SCMH1: variants seen among roughly 807,000 people sequenced by gnomAD.
The protein encoded by SCMH1 is polycomb protein SCMH1.
A neutral mutation model predicts 70.8 loss-of-function variants in SCMH1; 37 were observed. That is an observed-to-expected ratio of 0.52 (90% CI 0.40 to 0.69). The LOEUF is 0.69. Among genes scored for constraint, SCMH1 ranks in the 30% least tolerant of loss-of-function variants. The probability of loss-of-function intolerance (pLI) is 0.00; values close to 1 mark genes in which losing one functional copy is unlikely to be tolerated. For missense variants in SCMH1, 607 were observed against 827.3 expected (o/e 0.73, Z 3.27); for synonymous variants, 292 against 307.4 (o/e 0.95, Z 0.52).
intron 10 of SCMH1, among the ~76,000 whole-genome samples, chr1:41,068,666 A>G (rs191017691): frequency 5.3e-5 from 8 of 152,278 alleles, no homozygotes; most frequent in African/African-American, 1.7e-4. Flanking sequence ...TTGGCCTCCT[A>G]AAGTGCTGGG....
chr1:41,124,691 T>C (rs1434673619), intron 6 of SCMH1, among the ~76,000 whole-genome samples: 2 of 151,954 alleles, frequency 1.3e-5, no homozygotes, highest in Admixed American at 6.6e-5. Context: ...CACAGCAGCC[T>C]TCAACTCCTG....
chr1:41,131,914 T>C (rs1005909844), intron 6 of SCMH1, among the ~76,000 whole-genome samples: 5 of 152,230 alleles, frequency 3.3e-5, no homozygotes, highest in Non-Finnish European at 5.9e-5. Context: ...TTCCATGGTG[T>C]ATATGTGCCA....
In SCMH1 at chr1:41,048,676, CA is replaced by C. The variant is rs745878448; in HGVS notation, c.1306+13del. The C allele has an allele frequency of 6.2e-6, 10 of 1,612,294 alleles. No individual in the cohort carries two copies. The South Asian group carries it at 9.9e-5, about 16-fold the overall frequency. ...CTTCTGGCTGGGAGGCAATATGAGC[CA>C]AAGTGTGCTTACCTGAGATAACCTC... On this transcript the variant is annotated intron_variant, in intron 11 of 14. Transcript: ENST00000337495.
intron 13 of SCMH1, among the ~76,000 whole-genome samples, chr1:41,030,688 G>C (rs898398215): frequency 6.6e-6 from 1 of 151,826 alleles, no homozygotes; most frequent in African/African-American, 2.4e-5. Flanking sequence ...AGTACATATC[G>C]TTACCTAAAA....
At chr1:41,092,104 G>A (rs546766975) in intron 8 of SCMH1, among the ~76,000 whole-genome samples, 1 of 152,122 alleles carries the variant, frequency 6.6e-6, no homozygotes, top group Non-Finnish European at 1.5e-5. Context: ...GAGGCATCAC[G>A]CTACCTGACT....
At chr1:41,161,485 C>T in intron 2 of SCMH1, 53 bp from the exon 3 acceptor site, 1 of 1,508,628 alleles carries the variant, frequency 6.6e-7, no homozygotes. Flanking sequence ...AGATTAAATA[C>T]TTTTCCAATT....
At chr1:41,205,317 G>A (rs1655262857) in intron 1 of SCMH1, among the ~76,000 whole-genome samples, 1 of 152,196 alleles carries the variant, frequency 6.6e-6, no homozygotes, top group Non-Finnish European at 1.5e-5. Context: ...ACTGCACCTG[G>A]AAAATCAGTA....
At chr1:41,101,139 T>C (rs1666529844) in intron 8 of SCMH1, among the ~76,000 whole-genome samples, 1 of 152,144 alleles carries the variant, frequency 6.6e-6, no homozygotes, top group Non-Finnish European at 1.5e-5. Flanking sequence ...GAAAAGGTTT[T>C]GGATGAAAGA....
intron 4 of SCMH1, among the ~76,000 whole-genome samples, chr1:41,155,940 G>A (rs1282857650): frequency 3.7e-5 from 5 of 133,512 alleles, no homozygotes; most frequent in Non-Finnish European, 6.1e-5. Context: ...AGCTAAGATC[G>A]CACCACTGCA....
chr1:41,032,460 G>A (rs1408150974), intron 13 of SCMH1, among the ~76,000 whole-genome samples: 1 of 152,194 alleles, frequency 6.6e-6, no homozygotes, highest in African/African-American at 2.4e-5. Context: ...AGAAAGTGGT[G>A]TGAAATAACA....
chr1:41,203,612 G>A (rs549428607), intron 1 of SCMH1, among the ~76,000 whole-genome samples: 24 of 152,262 alleles, frequency 1.6e-4, no homozygotes, highest in African/African-American at 5.5e-4. Context: ...TGGCCATAAC[G>A]CCCACGCAGG....
chr1:41,190,431 G>A (rs920122611), intron 1 of SCMH1, among the ~76,000 whole-genome samples: 1 of 152,230 alleles, frequency 6.6e-6, no homozygotes, highest in Non-Finnish European at 1.5e-5. Context: ...GCCAGTCAGA[G>A]CTCTGTATCC....
intron 13 of SCMH1, among the ~76,000 whole-genome samples, chr1:41,033,275 G>C (rs1208860651): frequency 1.3e-5 from 2 of 150,196 alleles, no homozygotes; most frequent in Non-Finnish European, 3.0e-5. Context: ...GACACAGTGA[G>C]AGACACTATT....
intron 2 of SCMH1, 111 bp downstream of exon 2, chr1:41,186,010 A>G (rs1231414201): frequency 9.5e-6 from 11 of 1,159,472 alleles, no homozygotes; most frequent in Non-Finnish European, 1.3e-5. Flanking sequence ...TCATGGCTAT[A>G]AAGAAAAGGA....
chr1:41,127,288 C>T (rs530812300), intron 6 of SCMH1, among the ~76,000 whole-genome samples: 23 of 152,170 alleles, frequency 1.5e-4, no homozygotes, highest in African/African-American at 4.8e-4. Flanking sequence ...CAAATATTTT[C>T]TCCCATTTAT....
At chr1:41,107,375 T>C (rs1455678348) in intron 8 of SCMH1, among the ~76,000 whole-genome samples, 1 of 151,904 alleles carries the variant, frequency 6.6e-6, no homozygotes, top group East Asian at 1.9e-4. Flanking sequence ...TAGTACTTAA[T>C]CATGACTTGA....
chr1:41,184,188 C>T (rs534676837), intron 2 of SCMH1, among the ~76,000 whole-genome samples: 1 of 152,288 alleles, frequency 6.6e-6, no homozygotes, highest in Non-Finnish European at 1.5e-5. Context: ...GAGGTTGCTG[C>T]ACTGATTCCA....
rs188924935 is a variant in SCMH1, at chr1:41,082,245, C to T, written c.746-6794G>A. Among the ~76,000 whole-genome samples, 421 of 152,122 alleles carry T rather than the reference C, an allele frequency of 2.8e-3. 1 individual carries two copies. The highest frequency in any genetic ancestry group is 5.0e-3 in the Admixed American group (77 of 15,278). ...ACATTAAGAAAATGAAAAAAAGCAA[C>T]TCCAAGACACATAATTGTCAGATTC... On this transcript the variant is annotated intron_variant, in intron 8 of 14. Coordinates refer to ENST00000337495, the Ensembl canonical transcript of SCMH1.
intron 2 of SCMH1, 77 bp downstream of exon 2, chr1:41,186,044 G>A (rs1650118240): frequency 1.3e-6 from 2 of 1,487,282 alleles, no homozygotes; most frequent in South Asian, 2.5e-5. Flanking sequence ...AATTATTCGT[G>A]AGGAATTCCT....
Sources: allele counts gnomAD v4.1 joint callset (sites outside exome capture counted in the v4.1 genomes callset), GRCh38; gene constraint gnomAD v4.1.1; transcripts MANE v1.5; gene names NCBI Gene and HGNC (gene_info 2026-07-23, HGNC 2026-07-21).